The following SCRIB variants were observed in gnomAD, a reference collection of about 807,000 sequenced individuals.
The protein encoded by SCRIB is scribble planar cell polarity protein, also known as protein scribble homolog.
A neutral mutation model predicts 170.0 loss-of-function variants in SCRIB; 72 were observed. That is an observed-to-expected ratio of 0.42 (90% CI 0.35 to 0.52). The LOEUF is 0.52. SCRIB is among the 20% of genes least tolerant of loss of function. The pLI is 0.02. For synonymous variants in SCRIB, 1,298 were observed against 1,044.3 expected (o/e 1.24, Z -4.68); for missense variants, 2,475 against 2,338.5 (o/e 1.06, Z -1.20).
At chr8:143,799,244 G>A (rs1217988181) in intron 24 of SCRIB, among the ~76,000 whole-genome samples, 1 of 152,248 alleles carries the variant, frequency 6.6e-6, no homozygotes, top group African/African-American at 2.4e-5. Context: ...AACAGCCAGA[G>A]ATGCAGAGGG....
At chr8:143,809,943 A>G (rs1216150224) in intron 13 of SCRIB, among the ~76,000 whole-genome samples, 3 of 152,100 alleles carry the variant, frequency 2.0e-5, no homozygotes, top group Non-Finnish European at 4.4e-5. Context: ...GCCCAGCCCC[A>G]AGGAAAGCCT....
At chr8:143,802,808 C>A (rs1444361183) in intron 24 of SCRIB, among the ~76,000 whole-genome samples, 2 of 152,254 alleles carry the variant, frequency 1.3e-5, no homozygotes, top group African/African-American at 4.8e-5. Flanking sequence ...CATCCCAACT[C>A]CCCGTCTGGG....
chr8:143,804,507 G>A (rs1815320744), intron 21 of SCRIB, 61 bp downstream of exon 21: 3 of 1,461,306 alleles, frequency 2.1e-6, no homozygotes, highest in Admixed American at 4.8e-5. Context: ...AGCAGGTCCT[G>A]GGAAGGCCAG....
chr8:143,812,937 C>A lies in SCRIB; in HGVS notation c.667G>T (p.Val223Leu). The A allele has an allele frequency of 1.2e-6, 2 of 1,612,810 alleles. No individual in the cohort carries two copies. Among genetic ancestry groups the A allele is most frequent in the Non-Finnish European group, 1.7e-6 (2 of 1,179,898 alleles). ...CGGTTTTCCGACACGTCCAGGCACA[C>A]CAGGCGCCGCAGGTTCCCGAGCTCC... ...PPELGNLRRL[V>L]CLDVSENRLE... The change falls in exon 8 of 37, where the codon GTG becomes TTG. Residue 223 changes from valine to leucine, a missense_variant. By Grantham distance (32) the Val-to-Leu change is conservative (BLOSUM62 1). Around this residue, in one of 3 missense-constraint regions of SCRIB, gnomAD observed 487 missense variants for 558.1 expected, o/e 0.87. Transcript: ENST00000356994.
chr8:143,791,566 A>T (rs554743454), intron 35 of SCRIB, 100 bp downstream of exon 35: 1 of 1,538,666 alleles, frequency 6.5e-7, no homozygotes, highest in Non-Finnish European at 9.0e-7. Flanking sequence ...GTGAAGAGGC[A>T]GGGCCACGGC....
chr8:143,802,825 C>G (rs1587523459), intron 24 of SCRIB, among the ~76,000 whole-genome samples: 1 of 152,252 alleles, frequency 6.6e-6, no homozygotes, highest in East Asian at 1.9e-4. Context: ...TGGGCTTCTG[C>G]TCTGGAGTCC....
Position 143,810,783 on chromosome 8 carries a change from G to A in SCRIB, c.1307C>T (p.Thr436Ile). ...DAGQQGSLSETWSDAPPSRVS... is the reference protein window; with the variant it reads ...DAGQQGSLSEIWSDAPPSRVS... ...GCGGCTCGGCGGGGCATCGCTCCAG[G>A]TCTCCGAGAGGCTCCCCTGCTGCCC... Residue 436 changes from threonine (T) to isoleucine (I), a missense_variant, in exon 12 of 37, where the codon ACC becomes ATC. Physicochemically the swap from Thr to Ile is moderately conservative, Grantham distance 89. Around this residue, in one of 3 missense-constraint regions of SCRIB, gnomAD observed 1,966 missense variants for 1,742.9 expected, o/e 1.13. Transcript: ENST00000356994. The A allele has an allele frequency of 2.5e-6, 4 of 1,604,390 alleles. No individual in the cohort carries two copies. The highest frequency in any genetic ancestry group is 1.1e-5 in the South Asian group (1 of 90,890).
chr8:143,813,792 C>T lies in SCRIB; in HGVS notation c.356+26G>A, dbSNP rs367865884. 8 of 1,608,388 alleles carry T rather than the reference C, an allele frequency of 5.0e-6. No individual in the cohort carries two copies. The Admixed American group carries it at 1.0e-4, about 20-fold the overall frequency. On this transcript the variant is annotated intron_variant, in intron 3 of 36. Transcript: ENST00000356994. The stretch of plus-strand genomic sequence containing the variant: ...GGGCTGTGGGACCCATAGCCCCTAC[C>T]GACCCCACCACAGGCTGCCACCCAC...
rs145908680 is a variant in SCRIB, at chr8:143,809,584, G to A, written c.1665C>T (p.Gly555=). The A allele has an allele frequency of 5.8e-5, 94 of 1,611,322 alleles. No individual in the cohort carries two copies. In the East Asian group the frequency reaches 1.7e-3, roughly 29 times the overall value. The change falls in exon 14 of 37, where the codon GGC becomes GGT. Residue 555 remains glycine, a synonymous_variant. Coordinates refer to ENST00000356994, the MANE Select transcript of SCRIB (RefSeq NM_182706.5). ...AGTCCTCTTCGGCGTCTTCCTCCCCGCCAGCAGTCGTGGCTTCCTGCTGGC... is the reference window on the plus strand; with the variant it reads ...AGTCCTCTTCGGCGTCTTCCTCCCCACCAGCAGTCGTGGCTTCCTGCTGGC... ...GGSQQEATTA[G]GEEDAEEDYQ... is the part of the protein sequence containing the mutation.
Position 143,794,088 on chromosome 8 carries a change from G to A in SCRIB, c.3847-126C>T. 6.0e-6 allele frequency: 5 copies of A among 827,172 alleles called. No homozygotes were observed. In the Admixed American group the frequency reaches 9.4e-5, roughly 16 times the overall value. 51.2% of individuals were successfully genotyped at this position (827,172 alleles called of 1,614,324 possible). ...TCTTCAGTTCCCCAACCTGACTATA[G>A]CCCAGGGGATGCCCCAGACACTCGG... On this transcript the variant is annotated intron_variant, in intron 27 of 36. Coordinates refer to ENST00000356994, the MANE Select transcript of SCRIB (RefSeq NM_182706.5).
intron 33 of SCRIB, 27 bp downstream of exon 33, chr8:143,791,964 C>CG: frequency 1.3e-6 from 2 of 1,487,016 alleles, no homozygotes; most frequent in African/African-American, 2.8e-5. Flanking sequence ...GCAGGCTGAC[C>CG]CCCCCGACCT....
In SCRIB at chr8:143,792,864, G is replaced by A. The variant is rs1194517723; in HGVS notation, c.4021C>T (p.Pro1341Ser). ...GGGGAGGCTGCAGGCCCAGGCGTGGGGGGCTGGGGGGAGCGGACCTTGAGG... is the reference window on the plus strand; with the variant it reads ...GGGGAGGCTGCAGGCCCAGGCGTGGAGGGCTGGGGGGAGCGGACCTTGAGG... ...HPPEDAPAQP[P>S]TPGPAASPEQ... Residue 1341 changes from proline (P) to serine (S), a missense_variant, in exon 30 of 37, where the codon CCC (proline) becomes TCC (serine). Pro to Ser is a moderately conservative substitution (Grantham distance 74). Around this residue, in one of 3 missense-constraint regions of SCRIB, gnomAD observed 1,966 missense variants for 1,742.9 expected, o/e 1.13. Coordinates refer to ENST00000356994, the MANE Select transcript of SCRIB (RefSeq NM_182706.5). The A allele has an allele frequency of 1.1e-5, 16 of 1,511,496 alleles. No homozygotes were observed. Among genetic ancestry groups the A allele is most frequent in the Admixed American group, 8.5e-5 (4 of 47,010 alleles). 93.6% of individuals were successfully genotyped at this position (1,511,496 alleles called of 1,614,324 possible).
At chr8:143,807,522 C>A (rs782112820) in intron 16 of SCRIB, 30 bp downstream of exon 16, 7 of 1,588,926 alleles carry the variant, frequency 4.4e-6, no homozygotes. Flanking sequence ...AGCAGCGGCC[C>A]GGCCAGAGTG....
rs11542374 is a variant in SCRIB, at chr8:143,804,639, C to A, written c.2938G>T (p.Gly980Trp). The A allele has an allele frequency of 6.5e-7, 1 of 1,537,378 alleles. No individual in the cohort carries two copies. Among genetic ancestry groups the A allele is most frequent in the Non-Finnish European group, 8.8e-7 (1 of 1,141,454 alleles). ...GCCAGGCTCGGCAACCCAGGCACCC[C>A]GGGGGTGGCAGTGGTTATGCTGGTG... ...ATTSITTATP[G>W]VPGLPSLAPS... The change falls in exon 21 of 37, where the codon GGG becomes TGG. Residue 980 changes from glycine (G) to tryptophan (W), a missense_variant. Around this residue, in one of 3 missense-constraint regions of SCRIB, gnomAD observed 1,966 missense variants for 1,742.9 expected, o/e 1.13. Transcript: ENST00000356994.
chr8:143,800,190 GC>G (rs1563793725), intron 24 of SCRIB, among the ~76,000 whole-genome samples: 2 of 152,134 alleles, frequency 1.3e-5, no homozygotes, highest in African/African-American at 4.8e-5. Context: ...TCTCTCTCAA[GC>G]CCCAAGCCCG....
At position 143,815,448 on chromosome 8, in the gene SCRIB, T is replaced by A; in HGVS notation, c.-76A>T. The A allele has an allele frequency of 2.7e-6, 3 of 1,108,660 alleles. No homozygotes were observed. The highest frequency in any genetic ancestry group is 3.3e-6 in the Non-Finnish European group (3 of 910,262). 68.7% of individuals were successfully genotyped at this position (1,108,660 alleles called of 1,614,324 possible). On this transcript the variant is annotated 5_prime_UTR_variant, in exon 1 of 37. It removes an upstream start codon present in the reference 5' UTR. Transcript: ENST00000356994. ...GCCGGGGGGCGGGGCTCAGTCCGCA[T>A]GGGCGCCGCGCATGGGGAGGGGGCG...
At chr8:143,810,143 C>T (rs1815639370) in intron 13 of SCRIB, among the ~76,000 whole-genome samples, 1 of 152,140 alleles carries the variant, frequency 6.6e-6, no homozygotes, top group African/African-American at 2.4e-5. Context: ...TGTCCCAGTC[C>T]CAAACCCCTT....
Position 143,813,478 on chromosome 8 carries a change from G to A in SCRIB, c.495C>T (p.Ser165=), listed in dbSNP as rs1436539943. The change falls in exon 5 of 37, where the codon TCC becomes TCT. Residue 165 remains serine (S), a synonymous_variant. Coordinates refer to ENST00000356994, the MANE Select transcript of SCRIB (RefSeq NM_182706.5). ...ATGCCTGTCACACTCACGCTGGCAG[G>A]GACTTGAGCAGGTTCTCCCGGAGCT... ...TLELRENLLK[S]LPASLSFLVK... The A allele has an allele frequency of 1.2e-6, 2 of 1,613,152 alleles. No individual in the cohort carries two copies. The highest frequency in any genetic ancestry group is 1.3e-5 in the African/African-American group (1 of 74,946).
chr8:143,814,654 T>C (rs1815958734), intron 1 of SCRIB, among the ~76,000 whole-genome samples: 1 of 152,118 alleles, frequency 6.6e-6, no homozygotes, highest in Non-Finnish European at 1.5e-5. Flanking sequence ...AACCCCTAGG[T>C]ACTGATCACC....
Sources: allele counts gnomAD v4.1 joint callset (sites outside exome capture counted in the v4.1 genomes callset), GRCh38; gene constraint gnomAD v4.1.1; regional missense constraint gnomAD v4.1.1; transcripts MANE v1.5; gene names NCBI Gene and HGNC (gene_info 2026-07-23, HGNC 2026-07-21).